Variants in DSCAM observed in about 807,000 individuals in gnomAD.
DSCAM encodes cell adhesion molecule DSCAM.
DSCAM carries 47 observed loss-of-function variants against 217.7 expected under a neutral mutation model. That is an observed-to-expected ratio of 0.22 (90% CI 0.17 to 0.28). The LOEUF (loss-of-function observed/expected upper bound fraction) is 0.28. Ranked by LOEUF, DSCAM falls within the 10% of genes least tolerant of loss-of-function variation. The pLI is 1.00. For missense variants in DSCAM, 2,080 were observed against 2,618.3 expected, an observed-to-expected ratio of 0.79 and a Z score of 4.49; for synonymous variants, 1,056 against 1,015.3, an observed-to-expected ratio of 1.04 and a Z score of -0.76.
chr21:40,101,067 T>C (rs2089744094), intron 20 of DSCAM, among the ~76,000 whole-genome samples: 1 of 152,182 alleles, frequency 6.6e-6, no homozygotes, highest in Non-Finnish European at 1.5e-5. Flanking sequence ...ATCCCCCATG[T>C]CCCTGAACCA....
At chr21:40,033,676 G>A (rs1447698230) in intron 32 of DSCAM, among the ~76,000 whole-genome samples, 1 of 151,942 alleles carries the variant, frequency 6.6e-6, no homozygotes, top group Admixed American at 6.5e-5. Flanking sequence ...GCCCACCACA[G>A]CTCAAGGAGG....
chr21:40,156,031 C>T (rs998278411), intron 16 of DSCAM, among the ~76,000 whole-genome samples: 3 of 150,888 alleles, frequency 2.0e-5, no homozygotes, highest in Admixed American at 1.3e-4. Context: ...TAAACTGGAA[C>T]TGCCTCCATT....
At chr21:40,559,233 A>C (rs1221263737) in intron 3 of DSCAM, among the ~76,000 whole-genome samples, 1 of 152,076 alleles carries the variant, frequency 6.6e-6, no homozygotes, top group Non-Finnish European at 1.5e-5. Flanking sequence ...CTGAGGCGGG[A>C]GGATCACGAG....
chr21:40,612,547 G>A (rs2089329797), intron 3 of DSCAM, among the ~76,000 whole-genome samples: 1 of 152,188 alleles, frequency 6.6e-6, no homozygotes, highest in African/African-American at 2.4e-5. Context: ...GGCCATTGGT[G>A]TCTACCCAGC....
At chr21:40,702,351 T>C (rs2090665579) in intron 2 of DSCAM, among the ~76,000 whole-genome samples, 3 of 152,218 alleles carry the variant, frequency 2.0e-5, no homozygotes. Context: ...TTGTCACAAA[T>C]GTATCACACT....
At chr21:40,744,392 G>A (rs1471676046) in intron 1 of DSCAM, among the ~76,000 whole-genome samples, 1 of 152,170 alleles carries the variant, frequency 6.6e-6, no homozygotes, top group Non-Finnish European at 1.5e-5. Flanking sequence ...CTGAATCTCT[G>A]GCCAGACTTC....
chr21:40,356,171 T>C (rs1179402888), intron 4 of DSCAM, among the ~76,000 whole-genome samples: 2 of 152,102 alleles, frequency 1.3e-5, no homozygotes, highest in Admixed American at 6.5e-5. Flanking sequence ...GATCATATGG[T>C]AGGTAAAAGG....
At chr21:40,040,976 C>G (rs901861704) in intron 32 of DSCAM, among the ~76,000 whole-genome samples, 1 of 152,058 alleles carries the variant, frequency 6.6e-6, no homozygotes, top group Non-Finnish European at 1.5e-5. Context: ...AACAGCTTGT[C>G]TTTTCCCCTA....
At chr21:40,816,456 G>A (rs1002509741) in intron 1 of DSCAM, among the ~76,000 whole-genome samples, 1 of 152,192 alleles carries the variant, frequency 6.6e-6, no homozygotes, top group African/African-American at 2.4e-5. Context: ...GCATGCACCT[G>A]TAGTCCCACC....
At chr21:40,414,527 A>G (rs1483459857) in intron 3 of DSCAM, among the ~76,000 whole-genome samples, 1 of 152,214 alleles carries the variant, frequency 6.6e-6, no homozygotes, top group East Asian at 1.9e-4. Flanking sequence ...AATGCAAAAT[A>G]TTAATGAATA....
chr21:40,306,917 T>C (rs2123477530), intron 9 of DSCAM, among the ~76,000 whole-genome samples: 1 of 152,148 alleles, frequency 6.6e-6, no homozygotes, highest in South Asian at 2.1e-4. Flanking sequence ...TTTGGTTGTG[T>C]CTCTGCCCAG....
chr21:40,599,489 T>C (rs1789726853), intron 3 of DSCAM, among the ~76,000 whole-genome samples: 1 of 152,134 alleles, frequency 6.6e-6, no homozygotes, highest in Admixed American at 6.6e-5. Context: ...TAGCACTAAA[T>C]GCCCACATCA....
intron 32 of DSCAM, among the ~76,000 whole-genome samples, chr21:40,030,087 T>C (rs2088490447): frequency 6.6e-6 from 1 of 152,230 alleles, no homozygotes; most frequent in Non-Finnish European, 1.5e-5. Context: ...CACATGTACG[T>C]GGATACATAA....
At chr21:40,137,662 G>A (rs2146700385) in intron 18 of DSCAM, among the ~76,000 whole-genome samples, 1 of 149,950 alleles carries the variant, frequency 6.7e-6, no homozygotes, top group South Asian at 2.1e-4. Flanking sequence ...GAAGTGTATT[G>A]TTCAGTTGAG....
chr21:40,658,997 G>A (rs6517604), intron 3 of DSCAM, among the ~76,000 whole-genome samples: 133,161 of 152,122 alleles, frequency 0.88, 58,646 homozygotes, highest in East Asian at 1. Flanking sequence ...AAGCCCCTGC[G>A]GTAATCAACT....
chr21:40,506,225 C>T (rs1002130414), intron 3 of DSCAM, among the ~76,000 whole-genome samples: 7 of 152,082 alleles, frequency 4.6e-5, no homozygotes, highest in African/African-American at 9.7e-5. Context: ...AGCCCATGCA[C>T]GAGGGGACAG....
intron 10 of DSCAM, among the ~76,000 whole-genome samples, chr21:40,285,287 C>A (rs969519241): frequency 3.3e-5 from 5 of 152,170 alleles, no homozygotes; most frequent in Non-Finnish European, 5.9e-5. Flanking sequence ...CAAGAGCCCC[C>A]CAAACATTTG....
chr21:40,439,521 G>A (rs73217026), intron 3 of DSCAM, among the ~76,000 whole-genome samples: 7 of 152,278 alleles, frequency 4.6e-5, no homozygotes, highest in Non-Finnish European at 1.0e-4. Flanking sequence ...GCATGTATTC[G>A]GAACCTCAGA....
chr21:40,725,036 T>C (rs2090940153), intron 1 of DSCAM, among the ~76,000 whole-genome samples: 1 of 151,454 alleles, frequency 6.6e-6, no homozygotes, highest in Admixed American at 6.6e-5. Context: ...TGAAAGACTC[T>C]TTAAGGATTG....
Sources: gnomAD v4.1 joint callset for allele counts (sites outside exome capture counted in the v4.1 genomes callset) on GRCh38, gnomAD v4.1.1 for gene constraint, MANE v1.5 for transcripts, NCBI Gene and HGNC (gene_info 2026-07-23, HGNC 2026-07-21) for gene names.